Variants in SPTBN5 observed in about 807,000 individuals in gnomAD.
SPTBN5 encodes spectrin beta chain, non-erythrocytic 5.
In SPTBN5, 513 loss-of-function variants were observed where a neutral mutation model predicts 477.6. The ratio of observed to expected loss-of-function variants is 1.07; its 90% CI spans 1.00 to 1.16. The LOEUF (loss-of-function observed/expected upper bound fraction) is 1.16. SPTBN5 is among the 50% of genes most tolerant of loss of function. SPTBN5 has a pLI of 0.00. For synonymous variants in SPTBN5, 2,169 were observed against 2,011.7 expected, an observed-to-expected ratio of 1.08 and a Z score of -2.09; for missense variants, 5,062 against 4,731.8, an observed-to-expected ratio of 1.07 and a Z score of -2.05.
chr15:41,885,913 C>T lies in SPTBN5; in HGVS notation c.1342G>A (p.Val448Met). 1.3e-6 allele frequency: 2 copies of T among 1,584,628 alleles called. No homozygotes were observed. The highest frequency in any genetic ancestry group is 8.6e-7 in the Non-Finnish European group (1 of 1,165,584). ...GGCGGGGCTCTGGCCTGGTCTAGCA[C>T]CTGCTCTGCATCCTTAAGGAAACTC... Reference protein sequence around the residue: ...RESFLKDAEQVLDQARAPPAS... With the variant: ...RESFLKDAEQMLDQARAPPAS... The change falls in exon 7 of 68, where the codon GTG becomes ATG. Residue 448 changes from valine (V) to methionine (M), a missense_variant. By Grantham distance (21) the Val-to-Met change is conservative. Coordinates refer to ENST00000320955, the MANE Select transcript of SPTBN5 (RefSeq NM_016642.4).
chr15:41,882,599 G>C lies in SPTBN5; in HGVS notation c.2032C>G (p.Leu678Val), dbSNP rs938197223. The change falls in exon 10 of 68, where the codon CTG becomes GTG. Residue 678 changes from leucine (L) to valine (V), a missense_variant. Transcript: ENST00000320955. Reference protein sequence around the residue: ...GRDLSQIAGALQKHKALEAEV... With the variant: ...GRDLSQIAGAVQKHKALEAEV... ...GGAGCTGACACCTTGTGTTTCTGCA[G>C]GGCGCCTGCGATCTGGCTGAGATCC... 2 of 1,602,886 alleles carry C rather than the reference G, an allele frequency of 1.2e-6. No individual in the cohort carries two copies. Among genetic ancestry groups the C allele is most frequent in the South Asian group, 1.1e-5 (1 of 89,022 alleles).
chr15:41,885,284 A>T (rs1264900907), intron 7 of SPTBN5, among the ~76,000 whole-genome samples: 2 of 152,172 alleles, frequency 1.3e-5, no homozygotes, highest in African/African-American at 4.8e-5. Context: ...ACGGCCTCCC[A>T]ACGTGCTGGG....
chr15:41,854,336 A>AGGG, intron 56 of SPTBN5, 131 bp from the exon 57 acceptor site: 1 of 1,092,650 alleles, frequency 9.2e-7, no homozygotes, highest in Non-Finnish European at 1.3e-6. Context: ...GTCCCCAGGT[A>AGGG]CAGAAACCAT....
intron 46 of SPTBN5, 77 bp downstream of exon 46, chr15:41,861,342 A>G: frequency 7.6e-7 from 1 of 1,309,832 alleles, no homozygotes; most frequent in Non-Finnish European, 1.1e-6. Flanking sequence ...TAGGGAGCTC[A>G]GGCAGCACTG....
In SPTBN5 at chr15:41,854,169, G is replaced by A; in HGVS notation, c.9655C>T (p.Gln3219Ter). ...AAAHEVHSFQ[Q>*]AAAELQGRMQ... ...CTTCCCTGGAGCTCAGCTGCTGCCT[G>A]CTGAAAGCTGTGGACCTCATGGGCT... Residue 3219 changes from glutamine (Q) to a stop codon, truncating the protein, a stop_gained, in exon 57 of 68, where the codon CAG becomes TAG. Transcript: ENST00000320955. LOFTEE classifies it high-confidence loss of function. 3 of 1,599,774 alleles carry A rather than the reference G, an allele frequency of 1.9e-6. No homozygotes were observed. The highest frequency in any genetic ancestry group is 1.3e-5 in the African/African-American group (1 of 74,838).
chr15:41,854,792 G>A lies in SPTBN5; in HGVS notation c.9608C>T (p.Ala3203Val). Residue 3203 changes from alanine to valine, a missense_variant, in exon 56 of 68, where the codon GCC (alanine) becomes GTC (valine). Transcript: ENST00000320955. ...AWERLDQAIK[A>V]RTENLAAAHE... The stretch of plus-strand genomic sequence containing the variant: ...CCTGTGATCACCTACCTCTGTGCGG[G>A]CTTTTATTGCTTGGTCCAACCTCTC... 6.5e-7 allele frequency: 1 copy of A among 1,544,768 alleles called. No homozygotes were observed. Among genetic ancestry groups the A allele is most frequent in the Admixed American group, 2.0e-5 (1 of 48,830 alleles).
chr15:41,870,345 G>T lies in SPTBN5; in HGVS notation c.5571C>A (p.Ala1857=). The change falls in exon 31 of 68, where the codon GCC becomes GCA. Residue 1857 remains alanine (A), a synonymous_variant. Transcript: ENST00000320955. ...LEVLTQVQEK[A]TSLPNNVARD... is the part of the protein sequence containing the mutation. ...GTGCCACATTGTTGGGGAGGCTCGT[G>T]GCTTTCTCCTGAGGAAGGGAGAATG... 1 of 1,575,192 alleles carries T rather than the reference G, an allele frequency of 6.3e-7. No homozygotes were observed.
Position 41,853,442 on chromosome 15 carries a change from C to T in SPTBN5, c.9986G>A (p.Trp3329Ter), listed in dbSNP as rs866219911. ...FLGRCQELLA[W>*]AQERQELASS... The stretch of plus-strand genomic sequence containing the variant: ...CGCCAGCTCCTGCCTCTCCTGTGCC[C>T]ATGCTCTGTGGGGCAGGGAAGGGAG... Residue 3329 changes from tryptophan to a stop codon, truncating the protein, a stop_gained, in exon 59 of 68, where the codon TGG becomes TAG. Coordinates refer to ENST00000320955, the MANE Select transcript of SPTBN5 (RefSeq NM_016642.4). LOFTEE classifies it high-confidence loss of function. 2 of 1,576,458 alleles carry T rather than the reference C, an allele frequency of 1.3e-6. No individual in the cohort carries two copies. Among genetic ancestry groups the T allele is most frequent in the Middle Eastern group, 1.7e-4 (1 of 5,976 alleles).
At chr15:41,852,781 C>T (rs1197661) in intron 60 of SPTBN5, 43 bp downstream of exon 60, 1 of 1,560,318 alleles carries the variant, frequency 6.4e-7, no homozygotes, top group Non-Finnish European at 8.7e-7. Context: ...GGGGGGGGGG[C>T]CCAGAGCCTG....
At position 41,882,340 on chromosome 15, in the gene SPTBN5, C is replaced by A; in HGVS notation, c.2176G>T (p.Gly726Trp). Residue 726 changes from glycine (G) to tryptophan (W), a missense_variant, in exon 11 of 68, where the codon GGG becomes TGG. By Grantham distance (184) the Gly-to-Trp change is radical. Transcript: ENST00000320955. ...ACCCGGGTCTGGAGCAGCTGCCACC[C>A]TCCCTGAACGGCCTCTGCCCGTTCC... is the stretch of plus-strand genomic sequence containing the variant. ...PGERAEAVQG[G>W]WQLLQTRVVG... 1.3e-6 allele frequency: 2 copies of A among 1,534,958 alleles called. No homozygotes were observed. Among genetic ancestry groups the A allele is most frequent in the Non-Finnish European group, 1.7e-6 (2 of 1,146,144 alleles).
chr15:41,878,253 C>T, intron 17 of SPTBN5, 89 bp downstream of exon 17: 2 of 1,469,346 alleles, frequency 1.4e-6, no homozygotes, highest in Non-Finnish European at 1.8e-6. Flanking sequence ...AATCACACTA[C>T]TTCCCGCATG....
chr15:41,886,082 C>T lies in SPTBN5; in HGVS notation c.1173G>A (p.Leu391=), dbSNP rs1226880655. 1.5e-5 allele frequency: 24 copies of T among 1,604,378 alleles called. No homozygotes were observed. The highest frequency in any genetic ancestry group is 1.8e-5 in the Non-Finnish European group (21 of 1,175,228). The change falls in exon 7 of 68, where the codon CTG becomes CTA. Residue 391 remains leucine (L), a synonymous_variant. Transcript: ENST00000320955. ...NRRPFLPHEG[L]GLAELSQCWA... is the part of the protein sequence containing the mutation. The stretch of plus-strand genomic sequence containing the variant: ...AGCACTGGGACAGCTCTGCAAGGCC[C>T]AGGCCCTCATGAGGCAGGAAGGGCC...
At chr15:41,854,281 C>T (rs771628416) in intron 56 of SPTBN5, 76 bp from the exon 57 acceptor site, 8 of 1,502,766 alleles carry the variant, frequency 5.3e-6, no homozygotes, top group Non-Finnish European at 7.1e-6. Flanking sequence ...ACATGGCCTT[C>T]TGGGCCACCT....
In SPTBN5 at chr15:41,855,455, C is replaced by T. The variant is rs747522957; in HGVS notation, c.9219-27G>A. On this transcript the variant is annotated intron_variant, in intron 54 of 67. Transcript: ENST00000320955. The stretch of plus-strand genomic sequence containing the variant: ...TGTGGGAAGAGAGCGACAGTCTGGA[C>T]TGCAGCCCTGCCTTTCCAGGCTGGA... The T allele has an allele frequency of 3.1e-6, 5 of 1,595,048 alleles. No homozygotes were observed. In the Admixed American group the frequency reaches 8.4e-5, roughly 27 times the overall value.
At chr15:41,851,931 C>T in intron 62 of SPTBN5, 81 bp from the exon 63 acceptor site, 2 of 1,140,642 alleles carry the variant, frequency 1.8e-6, no homozygotes, top group Non-Finnish European at 2.6e-6. Flanking sequence ...GCCCCCAGCT[C>T]TCTTTATTCC....
chr15:41,848,270 CTCTGCACACG>C lies in SPTBN5; in HGVS notation c.*336_*345del, dbSNP rs1454810775. 19 of 504,734 alleles carry C rather than the reference CTCTGCACACG, an allele frequency of 3.8e-5. No homozygotes were observed. Among genetic ancestry groups the C allele is most frequent in the Non-Finnish European group, 6.1e-5 (17 of 278,108 alleles). The allele number at this position is 504,734 out of a possible 1,614,324, so 31.3% of individuals were successfully genotyped here. A position where few individuals can be genotyped will look rare whatever the true frequency, so the allele number is the denominator to read the frequency against. ...GTGTTCTTCCTCCGAAGAGCACATTCTCTGCACACGTCTGCGTCTACCTGTGCTCAGAGTC... is the reference window on the plus strand; with the variant it reads ...GTGTTCTTCCTCCGAAGAGCACATTCTCTGCGTCTACCTGTGCTCAGAGTC... On this transcript the variant is annotated 3_prime_UTR_variant, in exon 68 of 68. Transcript: ENST00000320955.
intron 35 of SPTBN5, among the ~76,000 whole-genome samples, 154 bp downstream of exon 35, chr15:41,867,384 C>T (rs2066361330): frequency 6.6e-6 from 1 of 152,174 alleles, no homozygotes; most frequent in African/African-American, 2.4e-5. Context: ...TTGAGCCACA[C>T]ATACAACTTG....
intron 41 of SPTBN5, 107 bp downstream of exon 41, chr15:41,863,597 C>T (rs1189892406): frequency 1.4e-5 from 12 of 848,284 alleles, no homozygotes; most frequent in Non-Finnish European, 9.6e-6. Context: ...CCCAGCTGAA[C>T]AGGAGAGGCC....
chr15:41,865,696 G>A, intron 39 of SPTBN5, 112 bp downstream of exon 39: 1 of 965,664 alleles, frequency 1.0e-6, no homozygotes, highest in Non-Finnish European at 1.5e-6. Context: ...GGCATAGGAG[G>A]AGCAGGCATG....
Sources: allele counts gnomAD v4.1 joint callset (sites outside exome capture counted in the v4.1 genomes callset), GRCh38; gene constraint gnomAD v4.1.1; transcripts MANE v1.5; gene names NCBI Gene and HGNC (gene_info 2026-07-23, HGNC 2026-07-21).